Variants in SLC6A16 observed in about 807,000 individuals in gnomAD.
SLC6A16 encodes orphan sodium- and chloride-dependent neurotransmitter transporter NTT5.
In SLC6A16, 54 loss-of-function variants were observed where a neutral mutation model predicts 65.4. That is an observed-to-expected ratio of 0.83 (90% CI 0.66 to 1.04). The LOEUF (loss-of-function observed/expected upper bound fraction) is 1.04, where lower values mean the gene tolerates loss of function less well. SLC6A16 is among the 50% of genes least tolerant of loss of function. The pLI is 0.00. For missense variants in SLC6A16, 816 were observed against 914.0 expected (o/e 0.89, Z 1.38); for synonymous variants, 330 against 346.5 (o/e 0.95, Z 0.53).
chr19:49,337,502 G>A, the SLC6A16 span: 1 of 657,908 alleles, frequency 1.5e-6, no homozygotes, highest in Non-Finnish European at 2.4e-6. Flanking sequence ...TGCACCTGGG[G>A]TCCCAGCTAC....
chr19:49,330,944 C>T, the SLC6A16 span, among the ~76,000 whole-genome samples: 1 of 143,854 alleles, frequency 7.0e-6, no homozygotes, highest in African/African-American at 2.8e-5. Flanking sequence ...AAAAAAAAAA[C>T]ACAAAAAAAA....
intron 7 of SLC6A16, among the ~76,000 whole-genome samples, chr19:49,301,351 G>A (rs1970288268): frequency 7.1e-6 from 1 of 141,300 alleles, no homozygotes; most frequent in Non-Finnish European, 1.5e-5. Flanking sequence ...TCACATTTCC[G>A]TGGGGACTGG....
rs556121427 is a variant in SLC6A16, at chr19:49,289,935, A to G, written c.*188T>C. On this transcript the variant is annotated 3_prime_UTR_variant, in exon 12 of 12. Transcript: ENST00000335875. ...GATGGGGAAAACAATGATGGTGGTC[A>G]CCAGGTAAGATGGGACCCAGGAAGG... 35 of 606,556 alleles carry G rather than the reference A, an allele frequency of 5.8e-5. No individual in the cohort carries two copies. The highest frequency in any genetic ancestry group is 8.7e-4 in the Middle Eastern group (2 of 2,312). 37.6% of individuals were successfully genotyped at this position (606,556 alleles called of 1,614,324 possible).
At chr19:49,298,206 T>C (rs76552373) in intron 7 of SLC6A16, among the ~76,000 whole-genome samples, 2,228 of 152,230 alleles carry the variant, frequency 0.015, 57 homozygotes, top group African/African-American at 0.051. Flanking sequence ...TGGCAAATAA[T>C]TTATGAATTA....
At chr19:49,327,884 G>A (rs1206151975), upstream of SLC6A16, among the ~76,000 whole-genome samples, 3 of 152,218 alleles carry the variant, frequency 2.0e-5, no homozygotes, top group South Asian at 4.1e-4. Flanking sequence ...ATGGCAAAGA[G>A]TCTGATATGA....
chr19:49,306,528 TTC>T (rs1481041866), intron 7 of SLC6A16, among the ~76,000 whole-genome samples: 1 of 151,012 alleles, frequency 6.6e-6, no homozygotes, highest in Non-Finnish European at 1.5e-5. Flanking sequence ...CTATCCTTAG[TTC>T]TTTGTTTTTT....
intron 1 of SLC6A16, among the ~76,000 whole-genome samples, chr19:49,322,180 T>C (rs1383481774): frequency 6.6e-6 from 1 of 152,064 alleles, no homozygotes; most frequent in Non-Finnish European, 1.5e-5. Context: ...TCCTAAAATT[T>C]TCACCAAAAA....
At chr19:49,303,424 G>A (rs796680161) in intron 7 of SLC6A16, among the ~76,000 whole-genome samples, 10 of 152,208 alleles carry the variant, frequency 6.6e-5, no homozygotes, top group East Asian at 1.9e-4. Context: ...CAAGGCAGGC[G>A]GATCATGAGG....
chr19:49,331,711 A>G, the SLC6A16 span: 1 of 456,550 alleles, frequency 2.2e-6, no homozygotes. Context: ...TATGGAGGAC[A>G]TTTCAGGCTG....
Position 49,289,995 on chromosome 19 carries a change from G to T in SLC6A16, c.*128C>A, listed in dbSNP as rs533259283. On this transcript the variant is annotated 3_prime_UTR_variant, in exon 12 of 12. Transcript: ENST00000335875. The stretch of plus-strand genomic sequence containing the variant: ...TCCAGGCCCCATGAACACCCCCAAA[G>T]AATGCCCCTCCTCTTGGAAATAAAA... 6.2e-6 allele frequency: 6 copies of T among 964,822 alleles called. No homozygotes were observed. The East Asian group carries it at 1.2e-4, about 20-fold the overall frequency. The allele number at this position is 964,822 out of a possible 1,614,324, so 59.8% of individuals were successfully genotyped here.
intron 3 of SLC6A16, 25 bp from the exon 4 acceptor site, chr19:49,310,191 G>A (rs2146131637): frequency 1.9e-6 from 3 of 1,613,878 alleles, no homozygotes; most frequent in Non-Finnish European, 2.5e-6. Context: ...GGATATGGCT[G>A]GGGAGGAAGA....
the SLC6A16 span, chr19:49,339,521 G>A: frequency 6.7e-6 from 10 of 1,481,680 alleles, no homozygotes; most frequent in Non-Finnish European, 9.2e-6. This position sits in a 1 kb window ranked among gnomAD's most constrained non-coding sequence, Gnocchi z 4.5. Context: ...AGGGCGGAGC[G>A]CAGCCCACCC....
At chr19:49,337,900 C>A in the SLC6A16 span, 11 of 1,613,332 alleles carry the variant, frequency 6.8e-6, no homozygotes, top group South Asian at 1.1e-4. Context: ...GAAGATAAGG[C>A]CCAGCCTCAC....
the SLC6A16 span, among the ~76,000 whole-genome samples, chr19:49,334,216 G>T: frequency 6.6e-6 from 1 of 152,256 alleles, no homozygotes; most frequent in Non-Finnish European, 1.5e-5. Flanking sequence ...GGGCACAGTG[G>T]CTCACGCCCA....
upstream of SLC6A16, among the ~76,000 whole-genome samples, chr19:49,325,607 A>G (rs1438730614): frequency 6.6e-6 from 1 of 152,192 alleles, no homozygotes. Flanking sequence ...ACGTTGCCTT[A>G]AGAGAGCTCA....
chr19:49,311,234 C>T lies in SLC6A16; in HGVS notation c.114G>A (p.Leu38=). ...AGGTCCAAGATGTTGCAGACCGGGTCAATGAACCCTTGTCTTCCCACGTTT... is the reference window on the plus strand; with the variant it reads ...AGGTCCAAGATGTTGCAGACCGGGTTAATGAACCCTTGTCTTCCCACGTTT... The part of the protein sequence containing the change: ...GSQTWEDKGS[L]TRSATSWTSE... Residue 38 remains leucine (L), a synonymous_variant, in exon 2 of 12, where the codon TTG becomes TTA. Coordinates refer to ENST00000335875, the MANE Select transcript of SLC6A16 (RefSeq NM_014037.3). 6.2e-7 allele frequency: 1 copy of T among 1,614,138 alleles called. No individual in the cohort carries two copies. Among genetic ancestry groups the T allele is most frequent in the Non-Finnish European group, 8.5e-7 (1 of 1,180,020 alleles).
rs1314193101 is a variant in SLC6A16 at position 49,308,919 on chromosome 19, G to T, written c.1186C>A (p.Leu396Met). The change falls in exon 7 of 12, where the codon CTG becomes ATG. Residue 396 changes from leucine (L) to methionine (M), a missense_variant. Leu to Met is a conservative substitution (Grantham distance 15, BLOSUM62 2). Transcript: ENST00000335875. The stretch of plus-strand genomic sequence containing the variant: ...GTGATGACTGTCGCCCAGAAGCCCA[G>T]GACACAGAAGTTGAAAGATGTGAAA... ...LVFTSFNFCV[L>M]GFWATVITHR... 5 of 1,614,034 alleles carry T rather than the reference G, an allele frequency of 3.1e-6. No individual in the cohort carries two copies. The highest frequency in any genetic ancestry group is 4.2e-6 in the Non-Finnish European group (5 of 1,180,046).
At position 49,311,026 on chromosome 19, in the gene SLC6A16, T is replaced by C. The variant is rs774587475; in HGVS notation, c.322A>G (p.Ser108Gly). 5 of 1,614,216 alleles carry C rather than the reference T, an allele frequency of 3.1e-6. No individual in the cohort carries two copies. The South Asian group carries it at 3.3e-5, about 11-fold the overall frequency. Residue 108 changes from serine (S) to glycine (G), a missense_variant, in exon 2 of 12, where the codon AGC becomes GGC. Coordinates refer to ENST00000335875, the MANE Select transcript of SLC6A16 (RefSeq NM_014037.3). ...TGAGCCAGAATATACTCAGTTTTGC[T>C]GGACCAGAACGGACGGGCAAGGAGG... ...EVLLARPFWS[S>G]KTEYILAQVG...
upstream of SLC6A16, among the ~76,000 whole-genome samples, chr19:49,327,988 G>A (rs1970815046): frequency 6.6e-6 from 1 of 152,304 alleles, no homozygotes; most frequent in East Asian, 1.9e-4. Context: ...ATAGGTCATG[G>A]TCGGAATTTT....
Sources: gnomAD v4.1 joint callset for allele counts (sites outside exome capture counted in the v4.1 genomes callset) on GRCh38, gnomAD v4.1.1 for gene constraint, Gnocchi (gnomAD v3.1) non-coding constraint, MANE v1.5 for transcripts, NCBI Gene and HGNC (gene_info 2026-07-23, HGNC 2026-07-21) for gene names.